The following BNC2 variants were observed in gnomAD, a reference collection of about 807,000 sequenced individuals.
The protein encoded by BNC2 is basonuclin zinc finger protein 2.
In BNC2, 20 loss-of-function variants were observed where a neutral mutation model predicts 76.3. That is an observed-to-expected ratio of 0.26 (90% CI 0.18 to 0.38). The LOEUF is 0.38. BNC2 is among the 10% of genes least tolerant of loss of function. The pLI is 1.00. For missense variants in BNC2, 1,382 were observed against 1,399.8 expected, an observed-to-expected ratio of 0.99 and a Z score of 0.20; for synonymous variants, 582 against 514.8, an observed-to-expected ratio of 1.13 and a Z score of -1.77.
chr9:16,556,654 G>A (rs1818842265), intron 4 of BNC2, among the ~76,000 whole-genome samples: 1 of 137,934 alleles, frequency 7.2e-6, no homozygotes, highest in African/African-American at 3.4e-5. Context: ...TGTAGTCCCA[G>A]TTACTCAGGA....
In BNC2 at chr9:16,700,167, A is replaced by G. The variant is rs138688609; in HGVS notation, c.330+27630T>C. 2.3e-3 allele frequency among the ~76,000 whole-genome samples: 355 copies of G among 152,248 alleles called. 1 individual carries two copies. The highest frequency in any genetic ancestry group is 5.7e-3 in the South Asian group (27 of 4,746). On this transcript the variant is annotated intron_variant, in intron 3 of 6. Transcript: ENST00000380672. ...TAGACACAGACTTCAGTTAGACATA[A>G]AACTGTGACTTAGTTTTTTCAGACT... is the stretch of plus-strand genomic sequence containing the variant.
At chr9:16,660,997 G>A (rs1822095202) in intron 3 of BNC2, among the ~76,000 whole-genome samples, 1 of 152,094 alleles carries the variant, frequency 6.6e-6, no homozygotes, top group African/African-American at 2.4e-5. Context: ...AGATACTGAA[G>A]GATGACTGTA....
At chr9:16,679,175 T>C (rs922267801) in intron 3 of BNC2, among the ~76,000 whole-genome samples, 1 of 152,104 alleles carries the variant, frequency 6.6e-6, no homozygotes, top group African/African-American at 2.4e-5. Flanking sequence ...CCCACCCACC[T>C]CACTGCACCT....
At chr9:16,849,164 G>A (rs1819064356) in intron 1 of BNC2, among the ~76,000 whole-genome samples, 1 of 151,928 alleles carries the variant, frequency 6.6e-6, no homozygotes, top group Non-Finnish European at 1.5e-5. Flanking sequence ...AGAAACAAAT[G>A]TAAAATTAGC....
Position 16,412,976 on chromosome 9 carries a change from G to C in BNC2, c.*6013C>G, listed in dbSNP as rs890791602. 2 of 152,696 alleles carry C rather than the reference G, an allele frequency of 1.3e-5. No individual in the cohort carries two copies. The highest frequency in any genetic ancestry group is 4.8e-5 in the African/African-American group (2 of 41,444). The allele number at this position is 152,696 out of a possible 1,614,324, so 9.5% of individuals were successfully genotyped here. Reference sequence around the variant, plus strand: ...GCCAGGAGAGCTGGGCTGAAGCAGAGAGGGTGTTGTCTGCTGTTAGTGTGA... The same window carrying C: ...GCCAGGAGAGCTGGGCTGAAGCAGACAGGGTGTTGTCTGCTGTTAGTGTGA... On this transcript the variant is annotated 3_prime_UTR_variant, in exon 7 of 7. Transcript: ENST00000380672.
intron 3 of BNC2, among the ~76,000 whole-genome samples, chr9:16,609,763 C>G (rs1385297837): frequency 1.3e-5 from 2 of 152,098 alleles, no homozygotes; most frequent in Admixed American, 1.3e-4. Context: ...GATCACTGAT[C>G]TTTTTCTTTT....
rs189444421 is a variant in BNC2 at position 16,638,349 on chromosome 9, T to C, written c.331-55264A>G. Among the ~76,000 whole-genome samples the C allele has an allele frequency of 5.9e-3, 891 of 152,270 alleles. 8 individuals are homozygous for C. Among genetic ancestry groups the C allele is most frequent in the African/African-American group, 0.021 (857 of 41,548 alleles). The stretch of plus-strand genomic sequence containing the variant: ...AATCAACTCAAATGAAATTCATCAA[T>C]AGTACTTTGAAGAATCAAGGCAGAT... On this transcript the variant is annotated intron_variant, in intron 3 of 6. Coordinates refer to ENST00000380672, the MANE Select transcript of BNC2 (RefSeq NM_017637.6).
At chr9:16,803,076 T>C (rs1325269516) in intron 1 of BNC2, among the ~76,000 whole-genome samples, 1 of 152,200 alleles carries the variant, frequency 6.6e-6, no homozygotes, top group Non-Finnish European at 1.5e-5. Flanking sequence ...CCATCTGTTT[T>C]AGTGATTGTA....
At chr9:16,563,410 A>G (rs925522586) in intron 4 of BNC2, among the ~76,000 whole-genome samples, 21 of 152,208 alleles carry the variant, frequency 1.4e-4, no homozygotes, top group African/African-American at 4.8e-4. Context: ...CTTGAGGCCA[A>G]GAGTTCGAGA....
intron 3 of BNC2, among the ~76,000 whole-genome samples, chr9:16,633,812 C>T (rs1456655787): frequency 8.5e-5 from 13 of 152,096 alleles, no homozygotes; most frequent in Admixed American, 2.0e-4. Flanking sequence ...ATCTAAAATG[C>T]AACTTTTAAA....
Position 16,436,124 on chromosome 9 carries a change from G to A in BNC2, c.2070C>T (p.Asp690=), listed in dbSNP as rs145916043. ...EEMSPGMSVK[D]FSKHNRTRCI... The stretch of plus-strand genomic sequence containing the variant: ...ACCGGGTCCTGTTATGCTTAGAAAA[G>A]TCCTTCACAGACATGCCTGGGCTCA... Residue 690 remains aspartate, a synonymous_variant, in exon 6 of 7, where the codon GAC becomes GAT. Coordinates refer to ENST00000380672, the MANE Select transcript of BNC2 (RefSeq NM_017637.6). The A allele has an allele frequency of 4.2e-4, 676 of 1,614,134 alleles. 11 individuals are homozygous for A. The South Asian group carries it at 6.8e-3, about 16-fold the overall frequency.
chr9:16,630,756 TGAAACAGA>T (rs1821138606), intron 3 of BNC2, among the ~76,000 whole-genome samples: 3 of 151,142 alleles, frequency 2.0e-5, no homozygotes, highest in East Asian at 3.9e-4. Flanking sequence ...TTTCTTTTTT[TGAAACAGA>T]GTTTCACTCT....
At chr9:16,434,237 T>A (rs954406678) in intron 6 of BNC2, among the ~76,000 whole-genome samples, 1 of 152,188 alleles carries the variant, frequency 6.6e-6, no homozygotes, top group Non-Finnish European at 1.5e-5. Flanking sequence ...AAAAAAATAT[T>A]CTTCAAACTT....
chr9:16,612,939 A>C (rs2133450426), intron 3 of BNC2, among the ~76,000 whole-genome samples: 1 of 152,220 alleles, frequency 6.6e-6, no homozygotes, highest in South Asian at 2.1e-4. Context: ...CTTATGACAA[A>C]CCTATTTAAG....
At chr9:16,470,403 G>C (rs550583407) in intron 5 of BNC2, among the ~76,000 whole-genome samples, 1 of 152,228 alleles carries the variant, frequency 6.6e-6, no homozygotes, top group Non-Finnish European at 1.5e-5. Flanking sequence ...CTTCAAGCCA[G>C]ATGCAGAAAT....
At chr9:16,496,833 T>C (rs1056406746) in intron 5 of BNC2, among the ~76,000 whole-genome samples, 1 of 152,222 alleles carries the variant, frequency 6.6e-6, no homozygotes, top group African/African-American at 2.4e-5. Flanking sequence ...TTCAAGCCGA[T>C]GCTGTATTTA....
intron 4 of BNC2, among the ~76,000 whole-genome samples, chr9:16,573,788 C>T (rs916443569): frequency 6.6e-6 from 1 of 152,164 alleles, no homozygotes; most frequent in African/African-American, 2.4e-5. Context: ...TAAAGCACTT[C>T]TTATACAATT....
intron 3 of BNC2, among the ~76,000 whole-genome samples, chr9:16,617,070 G>A (rs978431421): frequency 1.3e-5 from 2 of 152,168 alleles, no homozygotes; most frequent in African/African-American, 4.8e-5. Context: ...GCAATCTGGA[G>A]TAACTATTCA....
At position 16,610,099 on chromosome 9, in the gene BNC2, T is replaced by C. The variant is rs572066100; in HGVS notation, c.331-27014A>G. ...AAAGGAAAGGCCCAGCAACATAATA[T>C]AGATATCACACAATGCAGTGATGAG... is the stretch of plus-strand genomic sequence containing the variant. On this transcript the variant is annotated intron_variant, in intron 3 of 6. Coordinates refer to ENST00000380672, the MANE Select transcript of BNC2 (RefSeq NM_017637.6). Among the ~76,000 whole-genome samples the C allele has an allele frequency of 2.6e-4, 40 of 151,230 alleles. No individual in the cohort carries two copies. The South Asian group carries it at 8.0e-3, about 30-fold the overall frequency.
Sources: gnomAD v4.1 joint callset for allele counts (sites outside exome capture counted in the v4.1 genomes callset) on GRCh38, gnomAD v4.1.1 for gene constraint, MANE v1.5 for transcripts, NCBI Gene and HGNC (gene_info 2026-07-23, HGNC 2026-07-21) for gene names.